Variants in PPP1R13B observed in about 807,000 individuals in gnomAD.
The protein encoded by PPP1R13B is apoptosis-stimulating of p53 protein 1.
Under a neutral mutation model 119.8 loss-of-function variants are expected in PPP1R13B, and 44 were observed. The ratio of observed to expected loss-of-function variants is 0.37; its 90% confidence interval spans 0.29 to 0.47. The LOEUF (loss-of-function observed/expected upper bound fraction) is 0.47. Ranked by LOEUF, PPP1R13B falls within the 20% of genes least tolerant of loss-of-function variation. The pLI is 0.99. For synonymous variants in PPP1R13B, 542 were observed against 561.5 expected, an observed-to-expected ratio of 0.97 and a Z score of 0.49; for missense variants, 1,227 against 1,413.5, an observed-to-expected ratio of 0.87 and a Z score of 2.12.
rs758174707 is a variant in PPP1R13B, at chr14:103,740,332, C to T, written c.2084G>A (p.Arg695His). The T allele has an allele frequency of 5.7e-6, 9 of 1,568,168 alleles. No homozygotes were observed. In the Admixed American group the frequency reaches 9.1e-5, roughly 16 times the overall value. Residue 695 changes from arginine to histidine, a missense_variant, in exon 12 of 17, where the codon CGC becomes CAC. Arg to His is a conservative substitution (Grantham distance 29, BLOSUM62 0). Transcript: ENST00000202556. The surrounding 1 kb of genome is among the most constrained non-coding windows in gnomAD (Gnocchi z 4.6). Reference protein sequence around the residue: ...YQSDADLEALRRKLANAPRPL... With the variant: ...YQSDADLEALHRKLANAPRPL... The stretch of plus-strand genomic sequence containing the variant: ...CCGGGGCGCGTTGGCCAGCTTCCTG[C>T]GGAGGGCCTCCAGGTCTGCATCACT...
intron 1 of PPP1R13B, among the ~76,000 whole-genome samples, chr14:103,811,499 A>G (rs749354773): frequency 6.6e-6 from 1 of 152,050 alleles, no homozygotes; most frequent in Non-Finnish European, 1.5e-5. Context: ...AACAGTCTGA[A>G]CAACATAGGG....
At chr14:103,767,158 A>T (rs2084956555) in intron 4 of PPP1R13B, among the ~76,000 whole-genome samples, 2 of 152,106 alleles carry the variant, frequency 1.3e-5, no homozygotes, top group African/African-American at 2.4e-5. Flanking sequence ...CTACAAAAAA[A>T]TTTAAAAATT....
At chr14:103,839,806 T>G (rs1341106838) in intron 1 of PPP1R13B, among the ~76,000 whole-genome samples, 3 of 152,138 alleles carry the variant, frequency 2.0e-5, no homozygotes, top group African/African-American at 7.2e-5. Context: ...CTGGGCATGC[T>G]CCTACCACAT....
At chr14:103,824,172 A>G (rs1246511169) in intron 1 of PPP1R13B, among the ~76,000 whole-genome samples, 1 of 148,462 alleles carries the variant, frequency 6.7e-6, no homozygotes, top group Non-Finnish European at 1.5e-5. Context: ...CAGCCTCCCG[A>G]GTAGCTGGGA....
At chr14:103,822,782 C>T (rs2152070459) in intron 1 of PPP1R13B, among the ~76,000 whole-genome samples, 1 of 151,866 alleles carries the variant, frequency 6.6e-6, no homozygotes, top group East Asian at 2.0e-4. Context: ...CATTGCACTC[C>T]AGTCTGAGAG....
chr14:103,847,244 T>G, intron 1 of PPP1R13B, 55 bp downstream of exon 1: 1 of 1,141,440 alleles, frequency 8.8e-7, no homozygotes, highest in Non-Finnish European at 1.1e-6. Flanking sequence ...GGAAGGAGGT[T>G]TGGCCAGCGG....
rs1397751820 is a variant in PPP1R13B at position 103,847,555 on chromosome 14, T to TCAGCCC, written c.-254_-249dup. On this transcript the variant is annotated 5_prime_UTR_variant, in exon 1 of 17. Coordinates refer to ENST00000202556, the MANE Select transcript of PPP1R13B (RefSeq NM_015316.3). ...CGCCGCCTCAACCTCAGCCTCAGCC[T>TCAGCCC]CAGCCCCAGCCCGACAGCCTGCGGC... 3.0e-5 allele frequency: 30 copies of TCAGCCC among 985,246 alleles called. No individual in the cohort carries two copies. Among genetic ancestry groups the TCAGCCC allele is most frequent in the Middle Eastern group, 1.1e-3 (2 of 1,894 alleles). The allele number at this position is 985,246 out of a possible 1,614,324, so 61.0% of individuals were successfully genotyped here. A position where few individuals can be genotyped will look rare whatever the true frequency, so the allele number is the denominator to read the frequency against.
intron 12 of PPP1R13B, 81 bp from the exon 13 acceptor site, chr14:103,739,104 G>A: frequency 6.5e-7 from 1 of 1,537,236 alleles, no homozygotes; most frequent in East Asian, 2.3e-5. Flanking sequence ...AAGGAGTGGT[G>A]GGAGCTAAAG....
chr14:103,753,800 C>T (rs1378495129), intron 6 of PPP1R13B, among the ~76,000 whole-genome samples: 1 of 152,140 alleles, frequency 6.6e-6, no homozygotes, highest in East Asian at 1.9e-4. Context: ...GGCTGGGGAG[C>T]ACTGGCCGGA....
intron 1 of PPP1R13B, among the ~76,000 whole-genome samples, chr14:103,846,112 CCATTA>C (rs1210316503): frequency 6.6e-6 from 1 of 152,188 alleles, no homozygotes; most frequent in African/African-American, 2.4e-5. Context: ...AATTCTCTTT[CCATTA>C]CAAGACAATT....
rs184477200 is a variant in PPP1R13B, at chr14:103,822,420, G to A, written c.9+24879C>T. ...AAAGTGCTGGGATTAGAAGAAGCGT[G>A]AGCCACTGCACCCAGCCAAAACCAC... On this transcript the variant is annotated intron_variant, in intron 1 of 16. Coordinates refer to ENST00000202556, the MANE Select transcript of PPP1R13B (RefSeq NM_015316.3). Among the ~76,000 whole-genome samples the A allele has an allele frequency of 1.5e-3, 234 of 152,198 alleles. 1 individual carries two copies. The highest frequency in any genetic ancestry group is 2.6e-3 in the Non-Finnish European group (179 of 68,002).
intron 2 of PPP1R13B, among the ~76,000 whole-genome samples, chr14:103,791,118 T>C (rs1595777972): frequency 6.9e-6 from 1 of 144,848 alleles, no homozygotes; most frequent in South Asian, 2.1e-4. Flanking sequence ...TGCTGACTTT[T>C]TTCTTCTTTT....
chr14:103,799,453 CA>C (rs1389049376), intron 1 of PPP1R13B, among the ~76,000 whole-genome samples: 1 of 151,454 alleles, frequency 6.6e-6, no homozygotes, highest in Non-Finnish European at 1.5e-5. Flanking sequence ...GCTGGGATTA[CA>C]GGCGTCAGCC....
chr14:103,735,045 A>T lies in PPP1R13B; in HGVS notation c.*109T>A, dbSNP rs1271483131. ...ATTGTGGACGCTGTCTGCTAAAGTG[A>T]GCACCATTAAGACCATTTTCTAGCT... On this transcript the variant is annotated 3_prime_UTR_variant, in exon 17 of 17. Transcript: ENST00000202556. 1.7e-6 allele frequency: 2 copies of T among 1,209,798 alleles called. No individual in the cohort carries two copies. The highest frequency in any genetic ancestry group is 1.2e-6 in the Non-Finnish European group (1 of 820,176). The allele number at this position is 1,209,798 out of a possible 1,614,324, so 74.9% of individuals were successfully genotyped here. A position where few individuals can be genotyped will look rare whatever the true frequency, so the allele number is the denominator to read the frequency against.
At chr14:103,830,875 T>C (rs1365484532) in intron 1 of PPP1R13B, among the ~76,000 whole-genome samples, 2 of 152,048 alleles carry the variant, frequency 1.3e-5, no homozygotes, top group African/African-American at 4.8e-5. Context: ...TTGAGAGACT[T>C]AGTATTAAAA....
intron 8 of PPP1R13B, among the ~76,000 whole-genome samples, chr14:103,749,301 T>C (rs1020966565): frequency 2.0e-5 from 3 of 152,222 alleles, no homozygotes; most frequent in Non-Finnish European, 4.4e-5. Context: ...TTTAGAAGCA[T>C]AACCCCTTAC....
intron 1 of PPP1R13B, among the ~76,000 whole-genome samples, chr14:103,810,965 G>A (rs1280596973): frequency 1.3e-5 from 2 of 150,952 alleles, no homozygotes; most frequent in East Asian, 1.9e-4. Context: ...GGCAGTGCGT[G>A]CCTGTAATTC....
intron 3 of PPP1R13B, among the ~76,000 whole-genome samples, chr14:103,780,369 C>T (rs1180236466): frequency 6.6e-6 from 1 of 151,004 alleles, no homozygotes; most frequent in Non-Finnish European, 1.5e-5. Context: ...CGCCTGCGGT[C>T]CCAGCTACTT....
chr14:103,733,552 G>C lies in PPP1R13B; in HGVS notation c.*1602C>G, dbSNP rs1280534367. 6.5e-6 allele frequency: 1 copy of C among 153,380 alleles called. No homozygotes were observed. Among genetic ancestry groups the C allele is most frequent in the Non-Finnish European group, 1.5e-5 (1 of 68,590 alleles). 9.5% of individuals were successfully genotyped at this position (153,380 alleles called of 1,614,324 possible). On this transcript the variant is annotated 3_prime_UTR_variant, in exon 17 of 17. Transcript: ENST00000202556. ...GAGTGATCCTTTGATACTTCACCAAGGGGAACGTGGGGGCTTTGTGTTTTG... is the reference window on the plus strand; with the variant it reads ...GAGTGATCCTTTGATACTTCACCAACGGGAACGTGGGGGCTTTGTGTTTTG...
Sources: allele counts gnomAD v4.1 joint callset (sites outside exome capture counted in the v4.1 genomes callset), GRCh38; gene constraint gnomAD v4.1.1; non-coding constraint Gnocchi (gnomAD v3.1); transcripts MANE v1.5; gene names NCBI Gene and HGNC (gene_info 2026-07-23, HGNC 2026-07-21).